Variants in PIGL observed in about 807,000 individuals in gnomAD.
The protein encoded by PIGL is N-acetylglucosaminyl-phosphatidylinositol de-N-acetylase.
PIGL carries 22 observed loss-of-function variants against 31.1 expected under a neutral mutation model. The ratio of observed to expected loss-of-function variants is 0.71; its 90% confidence interval spans 0.51 to 1.01. PIGL has a LOEUF of 1.01. Among genes scored for constraint, PIGL ranks in the 50% least tolerant of loss-of-function variants. PIGL has a pLI of 0.00. For synonymous variants in PIGL, 131 were observed against 117.4 expected, an observed-to-expected ratio of 1.12 and a Z score of -0.75; for missense variants, 302 against 315.9, an observed-to-expected ratio of 0.96 and a Z score of 0.33.
At chr17:16,311,656 T>C (rs1189240712) in intron 3 of PIGL, among the ~76,000 whole-genome samples, 2 of 148,388 alleles carry the variant, frequency 1.3e-5, no homozygotes, top group East Asian at 2.0e-4. Context: ...GGAGTGGTGA[T>C]GACTCTTAAC....
intron 3 of PIGL, among the ~76,000 whole-genome samples, chr17:16,305,211 A>G (rs2093021544): frequency 6.6e-6 from 1 of 152,100 alleles, no homozygotes; most frequent in African/African-American, 2.4e-5. Flanking sequence ...TGAGCCTGGG[A>G]GGTTGAGGCT....
intron 3 of PIGL, among the ~76,000 whole-genome samples, chr17:16,305,472 G>C (rs569610388): frequency 6.6e-6 from 1 of 152,316 alleles, no homozygotes; most frequent in African/African-American, 2.4e-5. Context: ...AAAGTGGATG[G>C]AGTTTTGTAA....
chr17:16,303,935 C>T (rs541102159), intron 3 of PIGL, among the ~76,000 whole-genome samples: 3 of 152,140 alleles, frequency 2.0e-5, no homozygotes, highest in South Asian at 2.1e-4. Context: ...AGGATGGTCT[C>T]GATCTCCTGA....
chr17:16,315,944 C>A (rs1231775260), intron 4 of PIGL, among the ~76,000 whole-genome samples: 1 of 151,988 alleles, frequency 6.6e-6, no homozygotes, highest in South Asian at 2.1e-4. Flanking sequence ...GATCCGCTTG[C>A]CTCGGCCTCC....
At chr17:16,271,738 G>T (rs950568806) in intron 2 of PIGL, among the ~76,000 whole-genome samples, 1 of 152,044 alleles carries the variant, frequency 6.6e-6, no homozygotes, top group Admixed American at 6.6e-5. Flanking sequence ...CACCATATTG[G>T]CCAGGCTGGT....
intron 2 of PIGL, among the ~76,000 whole-genome samples, chr17:16,250,961 G>T (rs1251652813): frequency 6.6e-6 from 1 of 152,116 alleles, no homozygotes; most frequent in African/African-American, 2.4e-5. Flanking sequence ...GCACAAGATA[G>T]GTTTTATTTT....
intron 3 of PIGL, among the ~76,000 whole-genome samples, chr17:16,306,082 G>A (rs1349554255): frequency 6.6e-6 from 1 of 152,138 alleles, no homozygotes; most frequent in Non-Finnish European, 1.5e-5. Context: ...CCGAGTAGCT[G>A]GGACTACAGG....
intron 6 of PIGL, among the ~76,000 whole-genome samples, chr17:16,320,013 T>C (rs2093096288): frequency 6.6e-6 from 1 of 150,822 alleles, no homozygotes; most frequent in South Asian, 2.1e-4. Context: ...AAGTCGGGGA[T>C]TGTGGCTCGT....
chr17:16,318,478 C>A (rs912205635), intron 6 of PIGL, among the ~76,000 whole-genome samples: 3 of 150,324 alleles, frequency 2.0e-5, no homozygotes, highest in Non-Finnish European at 4.4e-5. Flanking sequence ...ATCATGTTGG[C>A]CAGGCTTGTC....
At chr17:16,287,508 CT>C (rs2092943283) in intron 2 of PIGL, among the ~76,000 whole-genome samples, 1 of 152,234 alleles carries the variant, frequency 6.6e-6, no homozygotes, top group Admixed American at 6.5e-5. Context: ...AGCCTTCTTC[CT>C]AGGGGAGCTG....
intron 2 of PIGL, among the ~76,000 whole-genome samples, chr17:16,252,363 C>T (rs2092776485): frequency 6.6e-6 from 1 of 151,974 alleles, no homozygotes. Flanking sequence ...TGAGCCACCC[C>T]ACCCGGCCTC....
intron 2 of PIGL, among the ~76,000 whole-genome samples, chr17:16,237,022 T>G (rs1380368370): frequency 6.6e-6 from 1 of 151,818 alleles, no homozygotes; most frequent in African/African-American, 2.4e-5. Flanking sequence ...ACTGTAGCCT[T>G]GAACTCCTGG....
At chr17:16,247,885 C>T (rs1178711551) in intron 2 of PIGL, among the ~76,000 whole-genome samples, 4 of 151,992 alleles carry the variant, frequency 2.6e-5, no homozygotes, top group Non-Finnish European at 4.4e-5. Context: ...AACAAGCTTT[C>T]TCTCTTTTTT....
At position 16,234,041 on chromosome 17, in the gene PIGL, A is replaced by C. The variant is rs372241109; in HGVS notation, c.306A>C (p.Pro102=). 1 of 1,598,254 alleles carries C rather than the reference A, an allele frequency of 6.3e-7. No individual in the cohort carries two copies. Among genetic ancestry groups the C allele is most frequent in the African/African-American group, 1.3e-5 (1 of 74,524 alleles). ...AGAGCTGTGATGTTTTGGGGATTCC[A>C]CTCTCCAGTGTAATGATTATTGACA... ...LLQSCDVLGI[P]LSSVMIIDNR... is the part of the protein sequence containing the mutation. Residue 102 remains proline, a synonymous_variant, in exon 2 of 7, where the codon CCA becomes CCC. Transcript: ENST00000225609.
intron 3 of PIGL, among the ~76,000 whole-genome samples, chr17:16,304,578 C>A (rs1408389847): frequency 6.6e-6 from 1 of 151,670 alleles, no homozygotes; most frequent in African/African-American, 2.4e-5. Context: ...GGCAATATAT[C>A]GAGACTCCAT....
chr17:16,319,172 C>G (rs2093091749), intron 6 of PIGL, among the ~76,000 whole-genome samples: 1 of 147,574 alleles, frequency 6.8e-6, no homozygotes, highest in South Asian at 2.1e-4. Flanking sequence ...TTGCAATGAA[C>G]CCTGATCATA....
At chr17:16,225,962 C>G (rs1026333009) in intron 1 of PIGL, among the ~76,000 whole-genome samples, 2 of 150,696 alleles carry the variant, frequency 1.3e-5, no homozygotes, top group Non-Finnish European at 2.9e-5. Flanking sequence ...AGGAGGATCA[C>G]TTAACCCAAG....
intron 6 of PIGL, among the ~76,000 whole-genome samples, chr17:16,319,426 A>G (rs2093093232): frequency 6.6e-6 from 1 of 151,982 alleles, no homozygotes; most frequent in African/African-American, 2.4e-5. Flanking sequence ...GCTTGAGTTT[A>G]AGAAGAATTC....
intron 1 of PIGL, among the ~76,000 whole-genome samples, chr17:16,219,111 G>C (rs953276968): frequency 2.0e-4 from 29 of 141,498 alleles, no homozygotes; most frequent in Non-Finnish European, 3.5e-4. Flanking sequence ...CTATCGCCTA[G>C]GCTGGAGTGC....
Sources: allele counts gnomAD v4.1 joint callset (sites outside exome capture counted in the v4.1 genomes callset), GRCh38; gene constraint gnomAD v4.1.1; transcripts MANE v1.5; gene names NCBI Gene and HGNC (gene_info 2026-07-23, HGNC 2026-07-21).